Variants in AKAP13 observed in about 807,000 individuals in gnomAD.
AKAP13 encodes A-kinase anchoring protein 13, also known as A-kinase anchor protein 13.
In AKAP13, 80 loss-of-function variants were observed where a neutral mutation model predicts 264.5. The ratio of observed to expected loss-of-function variants is 0.30; its 90% CI spans 0.25 to 0.36. The LOEUF (loss-of-function observed/expected upper bound fraction) is 0.36, where lower values mean the gene tolerates loss of function less well. AKAP13 is among the 10% of genes least tolerant of loss of function. The pLI, the probability that AKAP13 is intolerant of heterozygous loss-of-function variation, is 1.00. For synonymous variants in AKAP13, 1,380 were observed against 1,250.2 expected (o/e 1.10, Z -2.19); for missense variants, 3,712 against 3,435.2 (o/e 1.08, Z -2.01).
chr15:85,637,854 A>G (rs2082130712), intron 8 of AKAP13, among the ~76,000 whole-genome samples: 1 of 142,468 alleles, frequency 7.0e-6, no homozygotes, highest in Non-Finnish European at 1.5e-5. Context: ...CTTTTTCTTA[A>G]TATTTCTACT....
chr15:85,717,257 A>T, intron 20 of AKAP13, 33 bp from the exon 21 acceptor site: 1 of 1,389,734 alleles, frequency 7.2e-7, no homozygotes, highest in Non-Finnish European at 1.0e-6. Flanking sequence ...ATCAGAATGT[A>T]TTTGACAGTA....
At chr15:85,720,822 T>C (rs928497708) in intron 23 of AKAP13, among the ~76,000 whole-genome samples, 1 of 152,242 alleles carries the variant, frequency 6.6e-6, no homozygotes, top group African/African-American at 2.4e-5. Context: ...TTACTGAGCA[T>C]CTATTAAATG....
chr15:85,741,989 G>A (rs1189452021), intron 35 of AKAP13, among the ~76,000 whole-genome samples: 3 of 152,068 alleles, frequency 2.0e-5, no homozygotes, highest in Non-Finnish European at 2.9e-5. Flanking sequence ...GGATTGCAGC[G>A]AGCCGAGATC....
In AKAP13 at chr15:85,658,600, T is replaced by G. The variant is rs1360841229; in HGVS notation, c.4799+10T>G. The G allele has an allele frequency of 1.1e-5, 18 of 1,610,750 alleles. No individual in the cohort carries two copies. The highest frequency in any genetic ancestry group is 1.5e-5 in the Non-Finnish European group (18 of 1,177,530). The stretch of plus-strand genomic sequence containing the variant: ...CCATTCATAGGAGAAGGTACAGAGT[T>G]CATTAACTTGATGGACTAACCATGT... On this transcript the variant is annotated intron_variant, in intron 12 of 36. Coordinates refer to ENST00000394518, the MANE Select transcript of AKAP13 (RefSeq NM_007200.5).
intron 26 of AKAP13, among the ~76,000 whole-genome samples, chr15:85,725,150 GT>G (rs2087538629): frequency 6.6e-6 from 1 of 152,172 alleles, no homozygotes; most frequent in African/African-American, 2.4e-5. Context: ...TTGCAATAAA[GT>G]TGTGGTCAAG....
chr15:85,500,494 C>T (rs1596345284), intron 2 of AKAP13, among the ~76,000 whole-genome samples: 1 of 152,154 alleles, frequency 6.6e-6, no homozygotes. Flanking sequence ...GTGAAGTCAG[C>T]CCACTGAATC....
rs773396099 is a variant in AKAP13, at chr15:85,629,764, C to CTTTTTTTT, written c.4162-9584_4162-9577dup. Among the ~76,000 whole-genome samples the CTTTTTTTT allele has an allele frequency of 3.3e-3, 166 of 50,526 alleles. 31 individuals carry two copies. Among genetic ancestry groups the CTTTTTTTT allele is most frequent in the Non-Finnish European group, 4.5e-3 (121 of 26,952 alleles). 33.1% of individuals were successfully genotyped at this position (50,526 alleles called of 152,430 possible). On this transcript the variant is annotated intron_variant, in intron 8 of 36. Transcript: ENST00000394518. ...GAAATATAATGAGTTCCTTTACAGC[C>CTTTTTTTT]TTTTTTTTTTTTTTTTTTTTTTTTT...
chr15:85,627,341 C>G (rs537428523), intron 8 of AKAP13, among the ~76,000 whole-genome samples: 44 of 152,134 alleles, frequency 2.9e-4, no homozygotes, highest in African/African-American at 1.0e-3. Context: ...CTGTTTTTCT[C>G]TCTTACTTCT....
chr15:85,438,562 A>C (rs2073446515), intron 1 of AKAP13, among the ~76,000 whole-genome samples: 1 of 146,388 alleles, frequency 6.8e-6, no homozygotes, highest in Non-Finnish European at 1.5e-5. Context: ...ACCTGACTTC[A>C]AACTATACTA....
chr15:85,714,065 A>T (rs990246695), intron 19 of AKAP13, among the ~76,000 whole-genome samples: 3 of 152,168 alleles, frequency 2.0e-5, no homozygotes, highest in African/African-American at 7.2e-5. Flanking sequence ...CCCAGAACTT[A>T]CCTACTAATA....
chr15:85,552,628 C>CTT (rs55743971), intron 5 of AKAP13, among the ~76,000 whole-genome samples: 6,862 of 125,042 alleles, frequency 0.055, 450 homozygotes, highest in African/African-American at 0.11. Flanking sequence ...TTTTTTTGGC[C>CTT]TTTTTTTTTT....
At chr15:85,658,274 CTTTAATAA>C (rs2151527212) in intron 11 of AKAP13, among the ~76,000 whole-genome samples, 1 of 152,198 alleles carries the variant, frequency 6.6e-6, no homozygotes, top group South Asian at 2.1e-4. Context: ...TTTTCTGATT[CTTTAATAA>C]TTTAATAAAC....
intron 5 of AKAP13, among the ~76,000 whole-genome samples, chr15:85,563,349 TTTTTTA>T (rs1010232156): frequency 6.5e-5 from 8 of 123,008 alleles, no homozygotes; most frequent in Admixed American, 3.8e-4. Flanking sequence ...TTTTTTTTTT[TTTTTTA>T]AAGACGGAGA....
intron 36 of AKAP13, chr15:85,744,425 A>G (rs2089297485): frequency 1.7e-6 from 1 of 586,802 alleles, no homozygotes; most frequent in Non-Finnish European, 3.0e-6. Flanking sequence ...TTTAAAAGTT[A>G]AAGGGAGCAT....
At chr15:85,737,282 G>A (rs1270638437) in intron 33 of AKAP13, among the ~76,000 whole-genome samples, 11 of 152,022 alleles carry the variant, frequency 7.2e-5, no homozygotes, top group Admixed American at 6.5e-4. Flanking sequence ...AGCAGTCATG[G>A]TGTCCTTCTG....
At chr15:85,570,787 C>A (rs1358335496) in intron 5 of AKAP13, among the ~76,000 whole-genome samples, 1 of 152,088 alleles carries the variant, frequency 6.6e-6, no homozygotes, top group Non-Finnish European at 1.5e-5. Flanking sequence ...AGGATTCCTA[C>A]CGCTGGAGTG....
chr15:85,743,770 A>G lies in AKAP13; in HGVS notation c.8337A>G (p.Pro2779=). 1.2e-6 allele frequency: 2 copies of G among 1,613,288 alleles called. No individual in the cohort carries two copies. The highest frequency in any genetic ancestry group is 1.1e-5 in the South Asian group (1 of 91,034). Residue 2779 remains proline, a synonymous_variant, in exon 36 of 37, where the codon CCA becomes CCG. Coordinates refer to ENST00000394518, the MANE Select transcript of AKAP13 (RefSeq NM_007200.5). Reference sequence around the variant, plus strand: ...CCCGCCTGTTTGGGTTAACAAAGCCAAAGGAAAAGAAGGAGAAAAAAAAGA... The same window carrying G: ...CCCGCCTGTTTGGGTTAACAAAGCCGAAGGAAAAGAAGGAGAAAAAAAAGA... The part of the protein sequence containing the change: ...ASTRLFGLTK[P]KEKKEKKKKN...
chr15:85,396,556 A>G (rs536793420), intron 1 of AKAP13, among the ~76,000 whole-genome samples: 38 of 152,098 alleles, frequency 2.5e-4, no homozygotes, highest in Admixed American at 5.9e-4. Flanking sequence ...CTTTACTATA[A>G]TATGTTTGTC....
At chr15:85,633,605 A>G (rs1020797341) in intron 8 of AKAP13, among the ~76,000 whole-genome samples, 4 of 132,184 alleles carry the variant, frequency 3.0e-5, no homozygotes, top group Non-Finnish European at 6.2e-5. Context: ...GTGCAGTGGC[A>G]CAATCTCGGC....
Sources: gnomAD v4.1 joint callset for allele counts (sites outside exome capture counted in the v4.1 genomes callset) on GRCh38, gnomAD v4.1.1 for gene constraint, MANE v1.5 for transcripts, NCBI Gene and HGNC (gene_info 2026-07-23, HGNC 2026-07-21) for gene names.